Variants in TACC2 observed in about 807,000 individuals in gnomAD.
TACC2 encodes transforming acidic coiled-coil-containing protein 2.
A neutral mutation model predicts 227.3 loss-of-function variants in TACC2; 137 were observed. That is an observed-to-expected ratio of 0.60 (90% CI 0.52 to 0.69). The LOEUF (loss-of-function observed/expected upper bound fraction) is 0.69. Among genes scored for constraint, TACC2 ranks in the 30% least tolerant of loss-of-function variants. The probability of loss-of-function intolerance (pLI) is 0.00; values close to 1 mark genes in which losing one functional copy is unlikely to be tolerated. For synonymous variants in TACC2, 1,523 were observed against 1,487.5 expected, an observed-to-expected ratio of 1.02 and a Z score of -0.55; for missense variants, 3,470 against 3,694.4, an observed-to-expected ratio of 0.94 and a Z score of 1.57.
Position 122,100,596 on chromosome 10 carries a change from T to C in TACC2, c.5573+12005T>C, listed in dbSNP as rs116328104. ...GCACCACCACACCTGACTAACTGTT[T>C]TGTATTGTTAGTACAGACGGGGTTT... On this transcript the variant is annotated intron_variant, in intron 5 of 22. Transcript: ENST00000369005. 1.9e-3 allele frequency among the ~76,000 whole-genome samples: 282 copies of C among 152,090 alleles called. 1 individual carries two copies. The highest frequency in any genetic ancestry group is 6.6e-3 in the African/African-American group (274 of 41,496).
In TACC2 at chr10:122,142,159, T is replaced by C. The variant is rs569488305; in HGVS notation, c.5700-1413T>C. 5.9e-5 allele frequency among the ~76,000 whole-genome samples: 9 copies of C among 152,362 alleles called. No homozygotes were observed. In the East Asian group the frequency reaches 1.5e-3, roughly 26 times the overall value. On this transcript the variant is annotated intron_variant, in intron 6 of 22. Transcript: ENST00000369005. ...TGTTCCCCCGTGGATTGGTCTGCTC[T>C]GGGCTTTCCTAGGTCGTTATTTCTT...
At chr10:122,197,702 G>A (rs1473791674) in intron 8 of TACC2, among the ~76,000 whole-genome samples, 2 of 152,228 alleles carry the variant, frequency 1.3e-5, no homozygotes, top group Non-Finnish European at 2.9e-5. Context: ...CTCCTCCTTT[G>A]AAAACGGCAG....
chr10:122,105,206 G>A (rs1044578844), intron 5 of TACC2, among the ~76,000 whole-genome samples: 18 of 151,974 alleles, frequency 1.2e-4, no homozygotes, highest in African/African-American at 4.3e-4. Flanking sequence ...CTTTGATTTA[G>A]ACTCCCAGCT....
At chr10:122,142,845 T>C (rs2090822106) in intron 6 of TACC2, among the ~76,000 whole-genome samples, 1 of 152,210 alleles carries the variant, frequency 6.6e-6, no homozygotes, top group South Asian at 2.1e-4. Context: ...CAGGCTTTAG[T>C]CTGTGGAGGC....
At chr10:122,201,829 G>A (rs1489631041) in intron 8 of TACC2, among the ~76,000 whole-genome samples, 2 of 152,168 alleles carry the variant, frequency 1.3e-5, no homozygotes, top group Admixed American at 6.5e-5. Context: ...ACATTGTGGG[G>A]GGTGGTACTA....
At chr10:122,111,756 A>G (rs918115698) in intron 5 of TACC2, among the ~76,000 whole-genome samples, 1 of 151,946 alleles carries the variant, frequency 6.6e-6, no homozygotes, top group African/African-American at 2.4e-5. Context: ...GGCCTCCCAA[A>G]GTGCTGGGAT....
At position 122,017,464 on chromosome 10, in the gene TACC2, C is replaced by T. The variant is rs186388001; in HGVS notation, c.-45-4473C>T. Among the ~76,000 whole-genome samples the T allele has an allele frequency of 8.0e-4, 115 of 144,214 alleles. 2 individuals carry two copies. Among genetic ancestry groups the T allele is most frequent in the African/African-American group, 2.4e-3 (96 of 40,366 alleles). 94.6% of individuals were successfully genotyped at this position (144,214 alleles called of 152,430 possible). On this transcript the variant is annotated intron_variant, in intron 1 of 22. Coordinates refer to ENST00000369005, the MANE Select transcript of TACC2 (RefSeq NM_206862.4). ...GTTTTGCCGCCTGTTGAAGACTTGCCGCCATTCCCAATTGGCTCATTCAAG... is the reference window on the plus strand; with the variant it reads ...GTTTTGCCGCCTGTTGAAGACTTGCTGCCATTCCCAATTGGCTCATTCAAG...
intron 1 of TACC2, among the ~76,000 whole-genome samples, chr10:121,996,091 A>C (rs969830635): frequency 1.3e-5 from 2 of 151,940 alleles, no homozygotes; most frequent in African/African-American, 4.8e-5. Context: ...TTGAGATAGG[A>C]TCTTGCTCTG....
chr10:122,065,041 A>G (rs1487667075), intron 3 of TACC2, among the ~76,000 whole-genome samples: 1 of 152,198 alleles, frequency 6.6e-6, no homozygotes, highest in African/African-American at 2.4e-5. Context: ...AATAGTATGT[A>G]TGCTTTGCTC....
chr10:122,236,651 C>T (rs2095862616), intron 16 of TACC2, among the ~76,000 whole-genome samples: 2 of 152,230 alleles, frequency 1.3e-5, no homozygotes, highest in African/African-American at 4.8e-5. Context: ...AAAGCCTCAA[C>T]CAACATCAGT....
chr10:122,226,613 T>G (rs1202975442), intron 13 of TACC2, 132 bp downstream of exon 13: 1 of 650,666 alleles, frequency 1.5e-6, no homozygotes, highest in East Asian at 3.4e-5. Flanking sequence ...TATTTTTTTT[T>G]TTTTTAATAG....
intron 7 of TACC2, among the ~76,000 whole-genome samples, chr10:122,172,967 C>A (rs975254186): frequency 1.3e-5 from 2 of 152,112 alleles, no homozygotes; most frequent in South Asian, 2.1e-4. Flanking sequence ...GAGCCTGGGG[C>A]CTAAAGAGGT....
At chr10:122,213,437 G>A in intron 9 of TACC2, 3 of 1,574,968 alleles carry the variant, frequency 1.9e-6, no homozygotes, top group Admixed American at 1.7e-5. Context: ...TCTGCCTTTT[G>A]TTTCTGCTTC....
Position 122,021,921 on chromosome 10 carries a change from CT to C in TACC2, c.-45-12del. 1.3e-6 allele frequency: 2 copies of C among 1,522,920 alleles called. No homozygotes were observed. The highest frequency in any genetic ancestry group is 2.3e-5 in the East Asian group (1 of 44,434). 94.3% of individuals were successfully genotyped at this position (1,522,920 alleles called of 1,614,324 possible). Reference sequence around the variant, plus strand: ...TTTTCATTTCACAGACGTTTATACCCTTTTGTTTCTTCCAGTCACCTCTGAC... The same window carrying C: ...TTTTCATTTCACAGACGTTTATACCCTTTGTTTCTTCCAGTCACCTCTGAC... On this transcript the variant is annotated splice_polypyrimidine_tract_variant and intron_variant, in intron 1 of 22. Transcript: ENST00000369005.
At chr10:122,075,898 C>T (rs906671655) in intron 3 of TACC2, among the ~76,000 whole-genome samples, 1 of 152,158 alleles carries the variant, frequency 6.6e-6, no homozygotes, top group South Asian at 2.1e-4. Context: ...CTCCTGGATT[C>T]AAGCAATCCT....
chr10:122,220,519 G>GA (rs1353174226), intron 11 of TACC2, among the ~76,000 whole-genome samples: 11 of 152,128 alleles, frequency 7.2e-5, no homozygotes, highest in Admixed American at 7.2e-4. Flanking sequence ...TCTGGACGTG[G>GA]AAATACCATT....
intron 7 of TACC2, among the ~76,000 whole-genome samples, chr10:122,190,331 C>T (rs117914897): frequency 1.8e-4 from 27 of 152,328 alleles, no homozygotes; most frequent in Non-Finnish European, 3.7e-4. Flanking sequence ...TTCTTTCACA[C>T]GGTGTGTCAG....
rs2079886906 is a variant in TACC2, at chr10:122,084,558, C to T, written c.2058C>T (p.Ala686=). ...GAGEPTVPEG[A]IWEGSGLQPK... Reference sequence around the variant, plus strand: ...GTGAGCCCACTGTTCCCGAAGGAGCCATCTGGGAGGGGTCAGGATTGCAGC... The same window carrying T: ...GTGAGCCCACTGTTCCCGAAGGAGCTATCTGGGAGGGGTCAGGATTGCAGC... Residue 686 remains alanine, a synonymous_variant, in exon 4 of 23, where the codon GCC becomes GCT. Transcript: ENST00000369005. 8.7e-6 allele frequency: 14 copies of T among 1,613,638 alleles called. No individual in the cohort carries two copies. The highest frequency in any genetic ancestry group is 1.7e-5 in the Admixed American group (1 of 60,008).
At chr10:122,023,056 T>A (rs4752634) in intron 2 of TACC2, 97,582 of 151,590 alleles carry the variant, frequency 0.64, 31,784 homozygotes, top group African/African-American at 0.74. Flanking sequence ...TACAATTTTT[T>A]TTTTTTGACA....
Sources: gnomAD v4.1 joint callset for allele counts (sites outside exome capture counted in the v4.1 genomes callset) on GRCh38, gnomAD v4.1.1 for gene constraint, MANE v1.5 for transcripts, NCBI Gene and HGNC (gene_info 2026-07-23, HGNC 2026-07-21) for gene names.